CHST9: variants seen among roughly 807,000 people sequenced by gnomAD.
CHST9 encodes carbohydrate sulfotransferase 9.
CHST9 carries 41 observed loss-of-function variants against 44.4 expected under a neutral mutation model. The ratio of observed to expected loss-of-function variants is 0.92; its 90% CI spans 0.72 to 1.20. The LOEUF (loss-of-function observed/expected upper bound fraction) is 1.20. Ranked by LOEUF, CHST9 falls within the 50% of genes most tolerant of loss-of-function variation. The probability of loss-of-function intolerance (pLI) is 0.00; values close to 1 mark genes in which losing one functional copy is unlikely to be tolerated. For synonymous variants in CHST9, 171 were observed against 178.4 expected (o/e 0.96, Z 0.33); for missense variants, 504 against 516.5 (o/e 0.98, Z 0.23).
rs138360564 is a variant in CHST9, at chr18:26,968,912, A to G, written c.203-24546T>C. On this transcript the variant is annotated intron_variant, in intron 4 of 5. Transcript: ENST00000618847. ...ATCTATCTTTCTTCTACTGATTACC[A>G]CTTCACTTACACAAAATCCTCACAT... Among the ~76,000 whole-genome samples the G allele has an allele frequency of 2.6e-3, 391 of 152,082 alleles. 3 individuals are homozygous for G. In the East Asian group the frequency reaches 0.032, roughly 13 times the overall value.
At chr18:27,012,545 T>C (rs2057097709) in intron 4 of CHST9, among the ~76,000 whole-genome samples, 1 of 152,104 alleles carries the variant, frequency 6.6e-6, no homozygotes, top group Non-Finnish European at 1.5e-5. Context: ...AGAGGAAAAT[T>C]CACATATAAT....
rs1568150836 is a variant in CHST9, at chr18:27,053,143, GAAGAAGAA to G, written c.122-4648_122-4641del. ...GGAGGAAGAAGAGGAAGAAGAAGAA[GAAGAAGAA>G]GAAGAAGAAGAAGAAGAAGAAGAAG... On this transcript the variant is annotated intron_variant, in intron 2 of 5. Coordinates refer to ENST00000618847, the MANE Select transcript of CHST9 (RefSeq NM_031422.6). Among the ~76,000 whole-genome samples, 394 of 128,686 alleles carry G rather than the reference GAAGAAGAA, an allele frequency of 3.1e-3. 5 individuals carry two copies. Among genetic ancestry groups the G allele is most frequent in the Non-Finnish European group, 4.4e-3 (269 of 61,492 alleles). The allele number at this position is 128,686 out of a possible 152,430, so 84.4% of individuals were successfully genotyped here.
chr18:27,085,996 C>A (rs956594817), intron 2 of CHST9, among the ~76,000 whole-genome samples: 2 of 152,126 alleles, frequency 1.3e-5, no homozygotes, highest in Admixed American at 6.5e-5. Context: ...AGGCCATTAA[C>A]CTAAGCAAGT....
intron 4 of CHST9, among the ~76,000 whole-genome samples, chr18:26,959,771 A>G (rs946127455): frequency 1.3e-5 from 2 of 152,166 alleles, no homozygotes; most frequent in Admixed American, 1.3e-4. Context: ...TTAAAGAAAT[A>G]TTTTTTGACA....
chr18:26,994,443 A>G (rs374767358), intron 4 of CHST9, among the ~76,000 whole-genome samples: 93 of 152,236 alleles, frequency 6.1e-4, no homozygotes, highest in African/African-American at 2.1e-3. Flanking sequence ...CGATTTTCTC[A>G]GTACCTTTTC....
chr18:27,058,098 A>G (rs1345318999), intron 2 of CHST9, among the ~76,000 whole-genome samples: 1 of 152,220 alleles, frequency 6.6e-6, no homozygotes, highest in Non-Finnish European at 1.5e-5. Flanking sequence ...CAGACTGGCA[A>G]TAGTAAATAC....
At chr18:26,965,450 C>T (rs2056452013) in intron 4 of CHST9, among the ~76,000 whole-genome samples, 1 of 152,146 alleles carries the variant, frequency 6.6e-6, no homozygotes, top group African/African-American at 2.4e-5. Context: ...GATTAGAACC[C>T]CTGGGAAGCA....
chr18:26,939,486 T>C (rs2056049645), intron 5 of CHST9, among the ~76,000 whole-genome samples: 1 of 152,204 alleles, frequency 6.6e-6, no homozygotes, highest in Non-Finnish European at 1.5e-5. Context: ...AATCACATAT[T>C]GAGTTTTTGA....
rs563572720 is a variant in CHST9 at position 27,144,520 on chromosome 18, A to C, written c.-96-1615T>G. On this transcript the variant is annotated intron_variant, in intron 1 of 5. Transcript: ENST00000618847. ...ATGGTGAAACCCTGTCTCTACAAAA[A>C]ATAAAATAGATTTTAAAATTAGCCC... Among the ~76,000 whole-genome samples, 4 of 152,154 alleles carry C rather than the reference A, an allele frequency of 2.6e-5. No homozygotes were observed. The East Asian group carries it at 7.8e-4, about 29-fold the overall frequency.
intron 2 of CHST9, among the ~76,000 whole-genome samples, chr18:27,051,579 A>T (rs2057567609): frequency 6.6e-6 from 1 of 152,136 alleles, no homozygotes; most frequent in South Asian, 2.1e-4. Context: ...AATGAGGAAC[A>T]AAGGCCTGCC....
chr18:27,151,689 T>G (rs907705906), intron 1 of CHST9, among the ~76,000 whole-genome samples: 25 of 152,138 alleles, frequency 1.6e-4, no homozygotes, highest in African/African-American at 6.0e-4. Context: ...GGAATCACCT[T>G]TGTTCATTTG....
chr18:26,929,793 A>G (rs2055843487), intron 5 of CHST9, among the ~76,000 whole-genome samples: 1 of 152,210 alleles, frequency 6.6e-6, no homozygotes, highest in Non-Finnish European at 1.5e-5. Context: ...GAGGAGGCAC[A>G]AAAGTAGCAG....
At chr18:27,072,598 T>C (rs982311459) in intron 2 of CHST9, among the ~76,000 whole-genome samples, 1 of 152,118 alleles carries the variant, frequency 6.6e-6, no homozygotes, top group Non-Finnish European at 1.5e-5. Context: ...AGACCAGTTC[T>C]CCTTGGCCAG....
At chr18:27,034,020 C>T (rs1485228628) in intron 3 of CHST9, among the ~76,000 whole-genome samples, 1 of 152,210 alleles carries the variant, frequency 6.6e-6, no homozygotes, top group African/African-American at 2.4e-5. Flanking sequence ...ACCCACTCCC[C>T]CATCCGCACT....
At chr18:27,071,608 A>T (rs1217338774) in intron 2 of CHST9, among the ~76,000 whole-genome samples, 1 of 152,208 alleles carries the variant, frequency 6.6e-6, no homozygotes, top group African/African-American at 2.4e-5. Flanking sequence ...CTAAGTGGTA[A>T]ATATTAGACT....
intron 3 of CHST9, among the ~76,000 whole-genome samples, chr18:27,041,749 A>C (rs2057447635): frequency 6.6e-6 from 1 of 152,156 alleles, no homozygotes; most frequent in African/African-American, 2.4e-5. Context: ...AAGGTATTTT[A>C]AAAATAATGT....
At chr18:27,037,371 G>A (rs1007068479) in intron 3 of CHST9, among the ~76,000 whole-genome samples, 6 of 152,018 alleles carry the variant, frequency 3.9e-5, no homozygotes, top group Admixed American at 6.6e-5. Flanking sequence ...TGTTTATACC[G>A]GGCACAACTC....
intron 2 of CHST9, among the ~76,000 whole-genome samples, chr18:27,103,936 T>A (rs1049154151): frequency 1.4e-4 from 22 of 152,194 alleles, no homozygotes; most frequent in Admixed American, 7.9e-4. Context: ...GATTTACAGG[T>A]AATTTACTAA....
intron 2 of CHST9, among the ~76,000 whole-genome samples, chr18:27,137,049 A>G (rs1455364166): frequency 6.6e-6 from 1 of 152,152 alleles, no homozygotes; most frequent in African/African-American, 2.4e-5. Flanking sequence ...TATTTCTAAC[A>G]CAAGTTATGA....
Sources: gnomAD v4.1 joint callset for allele counts (sites outside exome capture counted in the v4.1 genomes callset) on GRCh38, gnomAD v4.1.1 for gene constraint, MANE v1.5 for transcripts, NCBI Gene and HGNC (gene_info 2026-07-23, HGNC 2026-07-21) for gene names.